The following SLC28A1 variants were observed in gnomAD, a reference collection of about 807,000 sequenced individuals.
SLC28A1 encodes the protein solute carrier family 28 member 1.
Under a neutral mutation model 74.8 loss-of-function variants are expected in SLC28A1, and 64 were observed. The ratio of observed to expected loss-of-function variants is 0.86; its 90% CI spans 0.70 to 1.05. The LOEUF (loss-of-function observed/expected upper bound fraction) is 1.05, where lower values mean the gene tolerates loss of function less well. Ranked by LOEUF, SLC28A1 falls within the 50% of genes least tolerant of loss-of-function variation. The probability of loss-of-function intolerance (pLI) is 0.00; values close to 1 mark genes in which losing one functional copy is unlikely to be tolerated. For missense variants in SLC28A1, 828 were observed against 822.8 expected (o/e 1.01, Z -0.08); for synonymous variants, 359 against 335.0 (o/e 1.07, Z -0.78).
At chr15:84,905,786 G>A (rs12905463) in intron 8 of SLC28A1, 134 bp downstream of exon 8, 89,236 of 735,932 alleles carry the variant, frequency 0.12, 6,090 homozygotes, top group Admixed American at 0.14. Context: ...GTGGACTGGG[G>A]CCCCAGACCA....
At chr15:84,912,220 C>CT (rs1371748194) in intron 9 of SLC28A1, among the ~76,000 whole-genome samples, 2 of 152,188 alleles carry the variant, frequency 1.3e-5, no homozygotes, top group Non-Finnish European at 2.9e-5. Context: ...GGGATTTGCC[C>CT]TCAAGGTAGG....
intron 16 of SLC28A1, 122 bp downstream of exon 16, chr15:84,943,648 G>T: frequency 1.3e-6 from 1 of 786,574 alleles, no homozygotes; most frequent in Non-Finnish European, 2.2e-6. Context: ...GGCCATAGAG[G>T]CCAGGTGTGG....
At chr15:84,887,724 G>A (rs777720465) in intron 2 of SLC28A1, 21 bp from the exon 3 acceptor site, 17 of 1,603,370 alleles carry the variant, frequency 1.1e-5, no homozygotes, top group South Asian at 4.4e-5. Flanking sequence ...AGCGTTGGGC[G>A]CTCCCTGATT....
chr15:84,912,285 C>T (rs2141849083), intron 9 of SLC28A1, among the ~76,000 whole-genome samples: 1 of 152,322 alleles, frequency 6.6e-6, no homozygotes, highest in East Asian at 1.9e-4. Flanking sequence ...TCTCTCTATT[C>T]TTTCTATGAA....
intron 12 of SLC28A1, among the ~76,000 whole-genome samples, chr15:84,932,175 T>C (rs1305313177): frequency 2.0e-5 from 3 of 152,180 alleles, no homozygotes; most frequent in African/African-American, 7.2e-5. Context: ...TGTGGGCCCT[T>C]TCCCACTTCA....
chr15:84,913,468 T>C (rs1272456895), intron 9 of SLC28A1, among the ~76,000 whole-genome samples: 2 of 152,116 alleles, frequency 1.3e-5, no homozygotes, highest in Non-Finnish European at 1.5e-5. Flanking sequence ...TCTAATCTAG[T>C]CTCCAGGGCT....
Position 84,944,777 on chromosome 15 carries a change from G to T in SLC28A1, c.1784G>T (p.Gly595Val), listed in dbSNP as rs768052785. Residue 595 changes from glycine (G) to valine (V), a missense_variant, in exon 18 of 19, where the codon GGG becomes GTG. Physicochemically the swap from Gly to Val is moderately radical, Grantham distance 109. Coordinates refer to ENST00000394573, the MANE Select transcript of SLC28A1 (RefSeq NM_004213.5). ...ACAGGGATCCTCTACATGCCCAGGG[G>T]GGCTGAAGTTGACTGCATGTCCCTC... ...CMAGILYMPR[G>V]AEVDCMSLLN... 6 of 1,613,880 alleles carry T rather than the reference G, an allele frequency of 3.7e-6. No individual in the cohort carries two copies. Among genetic ancestry groups the T allele is most frequent in the South Asian group, 3.3e-5 (3 of 91,088 alleles).
intron 6 of SLC28A1, among the ~76,000 whole-genome samples, chr15:84,898,720 C>T (rs938803255): frequency 6.6e-6 from 1 of 152,118 alleles, no homozygotes; most frequent in Non-Finnish European, 1.5e-5. Flanking sequence ...TGTTGGACAT[C>T]AGGCAATAAA....
At chr15:84,965,901 G>C in the SLC28A1 span, among the ~76,000 whole-genome samples, 110 of 149,544 alleles carry the variant, frequency 7.4e-4, 1 homozygote, top group African/African-American at 2.6e-3. Flanking sequence ...AGGGAGGCGG[G>C]GAGGGGGGGG....
intron 6 of SLC28A1, chr15:84,895,454 C>T: frequency 1.2e-6 from 2 of 1,613,096 alleles, no homozygotes; most frequent in Non-Finnish European, 1.7e-6. Context: ...AGACAAAAAG[C>T]CGCAGGGACC....
chr15:84,961,955 G>T, the SLC28A1 span, among the ~76,000 whole-genome samples: 2 of 152,190 alleles, frequency 1.3e-5, no homozygotes, highest in African/African-American at 4.8e-5. Context: ...TTCAAGCAGA[G>T]AGTGAGTCCC....
the SLC28A1 span, among the ~76,000 whole-genome samples, chr15:84,964,190 C>A: frequency 2.6e-5 from 4 of 151,882 alleles, no homozygotes; most frequent in Admixed American, 6.6e-5. Context: ...GGAAATGTGT[C>A]CATCTTGTTT....
chr15:84,969,156 G>T, the SLC28A1 span, among the ~76,000 whole-genome samples: 1 of 152,360 alleles, frequency 6.6e-6, no homozygotes, highest in Non-Finnish European at 1.5e-5. Flanking sequence ...AGTCTCTGCG[G>T]AAGGACAGAA....
chr15:84,889,365 C>T (rs1383013527), intron 4 of SLC28A1, among the ~76,000 whole-genome samples: 5 of 152,132 alleles, frequency 3.3e-5, no homozygotes, highest in Non-Finnish European at 5.9e-5. Flanking sequence ...CCTTGTTGGC[C>T]AGATCCGGAG....
chr15:84,888,980 G>A, intron 4 of SLC28A1, 120 bp downstream of exon 4: 1 of 734,104 alleles, frequency 1.4e-6, no homozygotes, highest in Non-Finnish European at 2.4e-6. Context: ...GTTGAAGGGA[G>A]GAATAAAGGC....
At chr15:84,972,355 C>A in the SLC28A1 span, among the ~76,000 whole-genome samples, 1 of 152,308 alleles carries the variant, frequency 6.6e-6, no homozygotes, top group East Asian at 1.9e-4. Context: ...TGGGTCTTCA[C>A]CCTGTGACCA....
intron 7 of SLC28A1, 44 bp downstream of exon 7, chr15:84,904,282 T>C: frequency 6.2e-7 from 1 of 1,611,326 alleles, no homozygotes; most frequent in Non-Finnish European, 8.5e-7. Flanking sequence ...TGTTTGCCTC[T>C]CTCTTCTGCC....
chr15:84,929,853 C>T (rs1042662563), intron 12 of SLC28A1, among the ~76,000 whole-genome samples: 1 of 152,134 alleles, frequency 6.6e-6, no homozygotes, highest in Non-Finnish European at 1.5e-5. Flanking sequence ...CAGAGCGAGA[C>T]CCTTTGGGTC....
At chr15:84,885,323 G>C (rs1964463900) in intron 1 of SLC28A1, among the ~76,000 whole-genome samples, 1 of 151,598 alleles carries the variant, frequency 6.6e-6, no homozygotes, top group Admixed American at 6.6e-5. Context: ...TAACACATGG[G>C]CTCTCAACAG....
Sources: gnomAD v4.1 joint callset for allele counts (sites outside exome capture counted in the v4.1 genomes callset) on GRCh38, gnomAD v4.1.1 for gene constraint, MANE v1.5 for transcripts, NCBI Gene and HGNC (gene_info 2026-07-23, HGNC 2026-07-21) for gene names.